The following RBM17 variants were observed in gnomAD, a reference collection of about 807,000 sequenced individuals.
The protein encoded by RBM17 is splicing factor 45.
A neutral mutation model predicts 53.2 loss-of-function variants in RBM17; 7 were observed. The ratio of observed to expected loss-of-function variants is 0.13; its 90% CI spans 0.07 to 0.25. RBM17 has a LOEUF of 0.25. Ranked by LOEUF, RBM17 falls within the 10% of genes least tolerant of loss-of-function variation. The pLI is 1.00. For synonymous variants in RBM17, 167 were observed against 178.1 expected (o/e 0.94, Z 0.50); for missense variants, 257 against 496.7 (o/e 0.52, Z 4.59).
intron 5 of RBM17, chr10:6,108,384 G>T: frequency 2.5e-6 from 1 of 405,706 alleles, no homozygotes. Flanking sequence ...TTAAGTAACT[G>T]CTGGTTCTCT....
At chr10:6,095,271 G>T (rs1840555539) in intron 1 of RBM17, among the ~76,000 whole-genome samples, 1 of 151,778 alleles carries the variant, frequency 6.6e-6, no homozygotes, top group Admixed American at 6.6e-5. Flanking sequence ...GGAGTGCAGT[G>T]GTGTGATCTT....
rs945544460 is a variant in RBM17 at position 6,089,339 on chromosome 10, G to A, written c.-19+146G>A. On this transcript the variant is annotated intron_variant, in intron 1 of 11. Coordinates refer to ENST00000379888, the MANE Select transcript of RBM17 (RefSeq NM_032905.5). The surrounding 1 kb of genome is among the most constrained non-coding windows in gnomAD (Gnocchi z 5.6). ...GGGCCAGCGCAGCCGGAGCCTCCGA[G>A]GGTCTCAGTCCCCGCGGCGGGCGCT... 2 of 152,268 alleles carry A rather than the reference G, an allele frequency of 1.3e-5. No individual in the cohort carries two copies. The highest frequency in any genetic ancestry group is 2.4e-5 in the African/African-American group (1 of 41,448). The allele number at this position is 152,268 out of a possible 1,614,324, so 9.4% of individuals were successfully genotyped here.
chr10:6,115,112 A>G, intron 10 of RBM17, 127 bp from the exon 11 acceptor site: 1 of 721,582 alleles, frequency 1.4e-6, no homozygotes, highest in South Asian at 2.0e-5. Context: ...TTTCCTTGGT[A>G]TTTGACAACT....
chr10:6,098,489 G>A (rs1840612210), intron 2 of RBM17, among the ~76,000 whole-genome samples: 1 of 150,152 alleles, frequency 6.7e-6, no homozygotes, highest in Non-Finnish European at 1.5e-5. Flanking sequence ...ACTGGATGTG[G>A]ATAGTAGAGA....
intron 7 of RBM17, among the ~76,000 whole-genome samples, chr10:6,110,948 GGTTTT>G (rs41295359): frequency 0.34 from 51,351 of 151,482 alleles, 9,182 homozygotes; most frequent in Non-Finnish European, 0.41. Context: ...ACATGAAGCT[GGTTTT>G]GTTTTGTTTT....
chr10:6,104,937 G>T lies in RBM17; in HGVS notation c.247G>T (p.Val83Phe). 6.2e-7 allele frequency: 1 copy of T among 1,613,712 alleles called. No homozygotes were observed. The highest frequency in any genetic ancestry group is 8.5e-7 in the Non-Finnish European group (1 of 1,179,702). The change falls in exon 4 of 12, where the codon GTT becomes TTT. Residue 83 changes from valine (V) to phenylalanine (F), a missense_variant. Transcript: ENST00000379888. ...PHVAAGLKDP[V>F]PSGFSAGEVL... ...CTGTTTTTACCTTCCTCAGGATCCT[G>T]TTCCCAGTGGGTTTTCTGCAGGGGA...
chr10:6,093,541 C>A (rs936995346), intron 1 of RBM17, among the ~76,000 whole-genome samples: 1 of 152,182 alleles, frequency 6.6e-6, no homozygotes, highest in African/African-American at 2.4e-5. Flanking sequence ...TTTAATAAAG[C>A]TTATTAAATG....
rs1588351936 is a variant in RBM17 at position 6,112,140 on chromosome 10, T to C, written c.705-70T>C. ...TCTCTCCAGAAGGAGGTTGTTGTGA[T>C]GGAAAAATGCAACCTATCTCCAGTT... On this transcript the variant is annotated intron_variant, in intron 7 of 11. Coordinates refer to ENST00000379888, the MANE Select transcript of RBM17 (RefSeq NM_032905.5). The surrounding 1 kb of genome is among the most constrained non-coding windows in gnomAD (Gnocchi z 4.4). The C allele has an allele frequency of 6.5e-7, 1 of 1,540,666 alleles. No homozygotes were observed. Among genetic ancestry groups the C allele is most frequent in the African/African-American group, 1.4e-5 (1 of 73,654 alleles).
intron 4 of RBM17, 46 bp downstream of exon 4, chr10:6,105,143 C>T (rs780050935): frequency 6.3e-7 from 1 of 1,575,196 alleles, no homozygotes. Context: ...TTGAAATGTT[C>T]ATTAAAATGT....
In RBM17 at chr10:6,117,055, T is replaced by TAAAAAGGACTA. The variant is rs547314988; in HGVS notation, c.*1499_*1500insAAAAAGGACTA. 4 of 152,046 alleles carry TAAAAAGGACTA rather than the reference T, an allele frequency of 2.6e-5. No individual in the cohort carries two copies. Among genetic ancestry groups the TAAAAAGGACTA allele is most frequent in the African/African-American group, 9.7e-5 (4 of 41,332 alleles). The allele number at this position is 152,046 out of a possible 1,614,324, so 9.4% of individuals were successfully genotyped here. On this transcript the variant is annotated 3_prime_UTR_variant, in exon 12 of 12. Coordinates refer to ENST00000379888, the MANE Select transcript of RBM17 (RefSeq NM_032905.5). ...GTGCTTACAAGTACCGGAGTGTGCT[T>TAAAAAGGACTA]GTTTAATTTTAGAAACTAATGGTTC...
intron 2 of RBM17, among the ~76,000 whole-genome samples, chr10:6,100,774 A>G (rs1038258840): frequency 2.0e-5 from 3 of 152,196 alleles, no homozygotes; most frequent in Non-Finnish European, 4.4e-5. Flanking sequence ...TATTAGGGGT[A>G]GTAATCTGAC....
In RBM17 at chr10:6,106,179, G is replaced by C; in HGVS notation, c.446G>C (p.Arg149Thr). ...KDRHEASGFA[R>T]RPDPDSDEDE... is the part of the protein sequence containing the mutation. ...AGACATGAAGCAAGTGGGTTTGCAA[G>C]GAGACCAGATCCAGATTCTGATGAA... is the stretch of plus-strand genomic sequence containing the variant. Residue 149 changes from arginine (R) to threonine (T), a missense_variant, in exon 5 of 12, where the codon AGG becomes ACG. Arg to Thr is a moderately conservative substitution (Grantham distance 71). Transcript: ENST00000379888. 1 of 1,613,830 alleles carries C rather than the reference G, an allele frequency of 6.2e-7. No homozygotes were observed. Among genetic ancestry groups the C allele is most frequent in the Non-Finnish European group, 8.5e-7 (1 of 1,179,766 alleles).
intron 9 of RBM17, 83 bp from the exon 10 acceptor site, chr10:6,113,966 T>C: frequency 3.5e-6 from 3 of 861,376 alleles, no homozygotes; most frequent in Non-Finnish European, 5.6e-6. Flanking sequence ...ACATTTACCA[T>C]CACTAAGTCA....
chr10:6,098,063 A>G (rs1328020518), intron 2 of RBM17, among the ~76,000 whole-genome samples: 1 of 152,244 alleles, frequency 6.6e-6, no homozygotes, highest in African/African-American at 2.4e-5. Flanking sequence ...ATAACATGTA[A>G]AACATTAAAA....
chr10:6,090,729 C>T (rs7077067), intron 1 of RBM17, among the ~76,000 whole-genome samples: 67,771 of 151,808 alleles, frequency 0.45, 15,587 homozygotes, highest in Non-Finnish European at 0.5. Flanking sequence ...TTCTGTTATT[C>T]GCCTAAATTA....
At position 6,112,206 on chromosome 10, in the gene RBM17, C is replaced by A. The variant is rs144436924; in HGVS notation, c.705-4C>A. ...AAGAGTCCTTTCCCTTCTTCTCCTG[C>A]CAGGGGCACGGTGGCGCACAAGATC... On this transcript the variant is annotated splice_region_variant and splice_polypyrimidine_tract_variant and intron_variant, in intron 7 of 11. Coordinates refer to ENST00000379888, the MANE Select transcript of RBM17 (RefSeq NM_032905.5). The surrounding 1 kb of genome is among the most constrained non-coding windows in gnomAD (Gnocchi z 4.4). The A allele has an allele frequency of 3.9e-4, 622 of 1,610,814 alleles. 7 individuals are homozygous for A. The South Asian group carries it at 4.0e-3, about 10-fold the overall frequency.
chr10:6,094,179 C>T (rs1418601436), intron 1 of RBM17, among the ~76,000 whole-genome samples: 3 of 151,964 alleles, frequency 2.0e-5, no homozygotes, highest in South Asian at 4.1e-4. Context: ...GGGGTTTCAC[C>T]GTGTTAGCCA....
At chr10:6,098,563 G>GTGTTTTTTTTTTTTTTTTTTTTTTTTT (rs1554834988) in intron 2 of RBM17, among the ~76,000 whole-genome samples, 2 of 46,642 alleles carry the variant, frequency 4.3e-5, no homozygotes, top group Non-Finnish European at 8.9e-5. Flanking sequence ...CAGGTTTTTT[G>GTGTTTTTTTTTTTTTTTTTTTTTTTTT]TTTTTTTTTT....
intron 6 of RBM17, among the ~76,000 whole-genome samples, chr10:6,109,135 A>AT (rs3841711): frequency 0.57 from 86,837 of 151,812 alleles, 26,776 homozygotes; most frequent in Non-Finnish European, 0.71. Flanking sequence ...CCTTGATTAG[A>AT]TTTTTTCTTC....
Sources: gnomAD v4.1 joint callset for allele counts (sites outside exome capture counted in the v4.1 genomes callset) on GRCh38, gnomAD v4.1.1 for gene constraint, Gnocchi (gnomAD v3.1) non-coding constraint, MANE v1.5 for transcripts, NCBI Gene and HGNC (gene_info 2026-07-23, HGNC 2026-07-21) for gene names.